The following DLGAP2 variants were observed in gnomAD, a reference collection of about 807,000 sequenced individuals.
DLGAP2 encodes DLG associated protein 2.
In DLGAP2, 26 loss-of-function variants were observed where a neutral mutation model predicts 100.3. The observed-to-expected ratio is 0.26, with a 90% CI of 0.19 to 0.36. DLGAP2 has a LOEUF of 0.36. Ranked by LOEUF, DLGAP2 falls within the 10% of genes least tolerant of loss-of-function variation. The pLI is 1.00. For missense variants in DLGAP2, 1,858 were observed against 1,453.2 expected, an observed-to-expected ratio of 1.28 and a Z score of -4.53; for synonymous variants, 886 against 630.1, an observed-to-expected ratio of 1.41 and a Z score of -6.08.
chr8:1,524,051 G>T (rs1314565176), intron 4 of DLGAP2, among the ~76,000 whole-genome samples: 1 of 152,198 alleles, frequency 6.6e-6, no homozygotes, highest in African/African-American at 2.4e-5. Flanking sequence ...TTTCTGATCT[G>T]CAGGGACGTC....
chr8:1,484,984 A>G (rs1017139728), intron 3 of DLGAP2, among the ~76,000 whole-genome samples: 2 of 152,196 alleles, frequency 1.3e-5, no homozygotes, highest in African/African-American at 2.4e-5. Flanking sequence ...AGAAGGCATT[A>G]TCTTAAATTC....
intron 1 of DLGAP2, among the ~76,000 whole-genome samples, chr8:811,536 A>G (rs1226192974): frequency 2.8e-5 from 4 of 141,480 alleles, no homozygotes; most frequent in South Asian, 2.3e-4. Context: ...TGAAGCTCCC[A>G]TCATCCTTGG....
At chr8:1,102,976 G>A (rs1804635200) in intron 2 of DLGAP2, among the ~76,000 whole-genome samples, 1 of 151,610 alleles carries the variant, frequency 6.6e-6, no homozygotes, top group South Asian at 2.1e-4. Flanking sequence ...GTCTTCATGA[G>A]ATTCTGGGGT....
chr8:833,626 G>A (rs1337367291), intron 1 of DLGAP2, among the ~76,000 whole-genome samples: 2 of 152,172 alleles, frequency 1.3e-5, no homozygotes, highest in African/African-American at 4.8e-5. Flanking sequence ...CTCATCTCAG[G>A]ACCCTCGGCT....
At chr8:1,542,828 C>T (rs533497773) in intron 4 of DLGAP2, among the ~76,000 whole-genome samples, 17 of 152,268 alleles carry the variant, frequency 1.1e-4, no homozygotes, top group African/African-American at 4.1e-4. Context: ...GTTCTCCCTT[C>T]CCCAGCAGCG....
rs143619859 is a variant in DLGAP2 at position 1,417,365 on chromosome 8, C to G, written c.107-84001C>G. Among the ~76,000 whole-genome samples, 85 of 152,220 alleles carry G rather than the reference C, an allele frequency of 5.6e-4. 1 individual carries two copies. The highest frequency in any genetic ancestry group is 2.0e-3 in the African/African-American group (84 of 41,488). The stretch of plus-strand genomic sequence containing the variant: ...TGTTCATAGAAGCCCTTGAAGCTAG[C>G]AGCACTGTCACTGCTTTTATCCTGA... On this transcript the variant is annotated intron_variant, in intron 3 of 14. Coordinates refer to ENST00000637795, the MANE Select transcript of DLGAP2 (RefSeq NM_001346810.2).
At chr8:1,227,840 T>C (rs371626974) in intron 2 of DLGAP2, among the ~76,000 whole-genome samples, 1 of 152,174 alleles carries the variant, frequency 6.6e-6, no homozygotes. Context: ...ACAGGAGAAT[T>C]ATAGCTAATA....
At chr8:1,423,997 A>T (rs1210041359) in intron 3 of DLGAP2, among the ~76,000 whole-genome samples, 5 of 152,242 alleles carry the variant, frequency 3.3e-5, no homozygotes, top group Non-Finnish European at 5.9e-5. Flanking sequence ...TTCTGCAAAA[A>T]TAGCAGCCGG....
At chr8:1,126,896 C>G (rs1433074029) in intron 2 of DLGAP2, among the ~76,000 whole-genome samples, 1 of 151,832 alleles carries the variant, frequency 6.6e-6, no homozygotes, top group Admixed American at 6.6e-5. Flanking sequence ...GCCCTCCAGC[C>G]AGCTCCTCCT....
intron 2 of DLGAP2, among the ~76,000 whole-genome samples, chr8:1,193,745 G>C (rs1186682782): frequency 2.6e-5 from 4 of 151,954 alleles, no homozygotes; most frequent in Non-Finnish European, 5.9e-5. Flanking sequence ...CGGGTTGGGG[G>C]TCCTGTGGAG....
intron 8 of DLGAP2, among the ~76,000 whole-genome samples, chr8:1,666,803 A>AG (rs1411215957): frequency 1.3e-5 from 2 of 152,132 alleles, no homozygotes; most frequent in African/African-American, 4.8e-5. Flanking sequence ...ATGACATTAG[A>AG]GGTCAGAGTG....
At chr8:1,239,605 C>T (rs1798739319) in intron 2 of DLGAP2, among the ~76,000 whole-genome samples, 1 of 82,176 alleles carries the variant, frequency 1.2e-5, no homozygotes, top group Non-Finnish European at 2.3e-5. Flanking sequence ...TCACATGGTG[C>T]CGTGTCTAGT....
intron 6 of DLGAP2, among the ~76,000 whole-genome samples, chr8:1,605,133 C>A (rs537697567): frequency 6.6e-6 from 1 of 152,290 alleles, no homozygotes; most frequent in South Asian, 2.1e-4. Context: ...ATCATTGCTT[C>A]CACTGCCGAA....
intron 4 of DLGAP2, among the ~76,000 whole-genome samples, chr8:1,541,622 C>G (rs938540509): frequency 2.0e-5 from 3 of 152,224 alleles, no homozygotes; most frequent in African/African-American, 4.8e-5. Context: ...AGGACCAGAT[C>G]TTGGATCCCA....
intron 2 of DLGAP2, among the ~76,000 whole-genome samples, chr8:1,231,875 T>C (rs1025945232): frequency 2.0e-5 from 3 of 152,090 alleles, no homozygotes; most frequent in Non-Finnish European, 4.4e-5. Flanking sequence ...GGGTGACAAG[T>C]TCAGTCATAC....
intron 3 of DLGAP2, among the ~76,000 whole-genome samples, chr8:1,303,561 C>T (rs1425517533): frequency 2.6e-5 from 4 of 152,140 alleles, no homozygotes; most frequent in Admixed American, 6.5e-5. Flanking sequence ...AGGTTTAATG[C>T]GTTATTTATT....
At chr8:970,975 C>G (rs1381950292) in intron 2 of DLGAP2, among the ~76,000 whole-genome samples, 2 of 152,136 alleles carry the variant, frequency 1.3e-5, no homozygotes, top group Non-Finnish European at 2.9e-5. Flanking sequence ...TAAATTTTAC[C>G]TCCATGTTTA....
chr8:1,187,165 G>T (rs1797523327), intron 2 of DLGAP2, among the ~76,000 whole-genome samples: 1 of 152,194 alleles, frequency 6.6e-6, no homozygotes, highest in South Asian at 2.1e-4. Flanking sequence ...TAACAATGGG[G>T]GCAATAGTCA....
At chr8:1,540,766 C>T (rs1185398906) in intron 4 of DLGAP2, among the ~76,000 whole-genome samples, 1 of 152,230 alleles carries the variant, frequency 6.6e-6, no homozygotes, top group African/African-American at 2.4e-5. Flanking sequence ...CCTGTACCTT[C>T]TGGAAATATG....
Sources: allele counts gnomAD v4.1 joint callset (sites outside exome capture counted in the v4.1 genomes callset), GRCh38; gene constraint gnomAD v4.1.1; transcripts MANE v1.5; gene names NCBI Gene and HGNC (gene_info 2026-07-23, HGNC 2026-07-21).